TBL1X: variants seen among roughly 807,000 people sequenced by gnomAD.
TBL1X encodes transducin beta like 1 X-linked, also known as F-box-like/WD repeat-containing protein TBL1X.
A neutral mutation model predicts 50.7 loss-of-function variants in TBL1X; 10 were observed. The ratio of observed to expected loss-of-function variants is 0.20; its 90% confidence interval spans 0.12 to 0.33. The LOEUF (loss-of-function observed/expected upper bound fraction) is 0.33, where lower values mean the gene tolerates loss of function less well. Among genes scored for constraint, TBL1X ranks in the 10% least tolerant of loss-of-function variants. TBL1X has a pLI of 1.00. For missense variants in TBL1X, 340 were observed against 504.4 expected (o/e 0.67, Z 3.12); for synonymous variants, 190 against 214.7 (o/e 0.88, Z 1.01).
At chrX:9,493,317 G>C (rs941437834) in intron 1 of TBL1X, among the ~76,000 whole-genome samples, 1 of 111,725 alleles carries the variant, frequency 9.0e-6, no homozygotes, top group Non-Finnish European at 1.9e-5. Context: ...CTTCTTGCAG[G>C]GGACCTGTTC....
At chrX:9,639,168 T>A (rs776092411) in intron 2 of TBL1X, among the ~76,000 whole-genome samples, 1 of 111,244 alleles carries the variant, frequency 9.0e-6, no homozygotes, top group Non-Finnish European at 1.9e-5. Context: ...GGTTTTTTTT[T>A]AATCTCCTTC....
At chrX:9,541,235 A>T (rs993651862) in intron 2 of TBL1X, among the ~76,000 whole-genome samples, 1 of 111,433 alleles carries the variant, frequency 9.0e-6, no homozygotes, top group African/African-American at 3.3e-5. Context: ...AATGTTAGGT[A>T]CGTGATGTGG....
At chrX:9,681,389 A>G (rs1280715169) in intron 5 of TBL1X, among the ~76,000 whole-genome samples, 1 of 112,379 alleles carries the variant, frequency 8.9e-6, no homozygotes, top group African/African-American at 3.2e-5. Context: ...GTCATATCAC[A>G]TGATCCTTGG....
intron 2 of TBL1X, among the ~76,000 whole-genome samples, chrX:9,630,205 A>C (rs1435594864): frequency 4.5e-5 from 5 of 111,601 alleles, no homozygotes; most frequent in Non-Finnish European, 9.4e-5. Flanking sequence ...TTCGCTTATT[A>C]ATTCTCTACC....
At chrX:9,636,120 A>G (rs1270498482) in intron 2 of TBL1X, among the ~76,000 whole-genome samples, 2 of 111,925 alleles carry the variant, frequency 1.8e-5, no homozygotes, top group Non-Finnish European at 3.8e-5. Context: ...GCCAGAAAGC[A>G]TTCTGTGGTC....
intron 2 of TBL1X, among the ~76,000 whole-genome samples, chrX:9,610,983 T>G (rs953294684): frequency 8.9e-6 from 1 of 112,066 alleles, no homozygotes; most frequent in East Asian, 2.8e-4. Context: ...TTCAATAGAC[T>G]GAGCAAATCC....
intron 2 of TBL1X, among the ~76,000 whole-genome samples, chrX:9,595,732 C>T (rs1031597908): frequency 8.9e-6 from 1 of 112,058 alleles, no homozygotes; most frequent in Admixed American, 9.4e-5. Context: ...TTAGGACAAA[C>T]CAGCACCCGA....
chrX:9,699,963 G>A (rs2083159154), intron 12 of TBL1X, among the ~76,000 whole-genome samples: 1 of 112,044 alleles, frequency 8.9e-6, no homozygotes, highest in African/African-American at 3.2e-5. Context: ...CCCAATGCAG[G>A]TAGCACGTGT....
intron 2 of TBL1X, among the ~76,000 whole-genome samples, chrX:9,586,498 A>G (rs2082470532): frequency 8.9e-6 from 1 of 111,742 alleles, no homozygotes; most frequent in African/African-American, 3.3e-5. Flanking sequence ...GGGAGGTGAA[A>G]TGGGGAATTG....
rs113544532 is a variant in TBL1X, at chrX:9,602,958, C to T, written c.-130-37315C>T. ...GGGAGCAGTCGTTGTGAACGAGAAG[C>T]CCCAGTGCATAAATCATTGAATGAT... On this transcript the variant is annotated intron_variant, in intron 2 of 17. Coordinates refer to ENST00000645353, the MANE Select transcript of TBL1X (RefSeq NM_005647.4). Among the ~76,000 whole-genome samples, 912 of 112,325 alleles carry T rather than the reference C, an allele frequency of 8.1e-3. 10 individuals carry two copies. Among genetic ancestry groups the T allele is most frequent in the African/African-American group, 0.027 (851 of 30,959 alleles).
chrX:9,674,067 AAATAAT>A (rs1285160940), intron 5 of TBL1X, among the ~76,000 whole-genome samples: 8 of 112,354 alleles, frequency 7.1e-5, no homozygotes, highest in Admixed American at 3.8e-4. Context: ...TCTTTCTCAG[AAATAAT>A]AATAATAATA....
At chrX:9,600,136 G>C (rs983064222) in intron 2 of TBL1X, among the ~76,000 whole-genome samples, 1 of 111,692 alleles carries the variant, frequency 9.0e-6, no homozygotes, top group Admixed American at 9.5e-5. Flanking sequence ...CTGGCAAGAC[G>C]TCTTAGTCTG....
chrX:9,521,724 C>G (rs2082107769), intron 2 of TBL1X, among the ~76,000 whole-genome samples: 1 of 111,588 alleles, frequency 9.0e-6, no homozygotes, highest in Non-Finnish European at 1.9e-5. Context: ...AATGCAGAAC[C>G]TGCCCATAAG....
At chrX:9,638,309 A>G (rs964507684) in intron 2 of TBL1X, among the ~76,000 whole-genome samples, 3 of 112,433 alleles carry the variant, frequency 2.7e-5, no homozygotes, top group Non-Finnish European at 3.8e-5. Context: ...ATTTCACACA[A>G]ATATTTGGCA....
intron 2 of TBL1X, among the ~76,000 whole-genome samples, chrX:9,591,478 T>G (rs1438858053): frequency 8.9e-6 from 1 of 112,758 alleles, no homozygotes; most frequent in Non-Finnish European, 1.9e-5. Context: ...TATTGTTTAA[T>G]AAATACTTGT....
chrX:9,568,675 C>CTG (rs1222626220), intron 2 of TBL1X, among the ~76,000 whole-genome samples: 5 of 100,546 alleles, frequency 5.0e-5, no homozygotes, highest in African/African-American at 1.9e-4. Flanking sequence ...GTGCAGTGTG[C>CTG]TGTGTGTGTG....
At chrX:9,709,798 A>T (rs1462594165) in intron 15 of TBL1X, 38 bp downstream of exon 15, 1 of 1,196,360 alleles carries the variant, frequency 8.4e-7, no homozygotes, top group Non-Finnish European at 1.1e-6. Context: ...GCTCGGTGTT[A>T]CACAAAGACA....
chrX:9,714,899 C>T lies in TBL1X; in HGVS notation c.1606-3C>T, dbSNP rs1255246178. Reference sequence around the variant, plus strand: ...TGTAAGTGACAGCTGCTTTGCTTTGCAGAGTGGAAATCTTGTCCACAGCTA... The same window carrying T: ...TGTAAGTGACAGCTGCTTTGCTTTGTAGAGTGGAAATCTTGTCCACAGCTA... On this transcript the variant is annotated splice_region_variant and splice_polypyrimidine_tract_variant and intron_variant, in intron 16 of 17. Coordinates refer to ENST00000645353, the MANE Select transcript of TBL1X (RefSeq NM_005647.4). The T allele has an allele frequency of 8.3e-7, 1 of 1,208,713 alleles. No individual in the cohort carries two copies. The highest frequency in any genetic ancestry group is 1.1e-6 in the Non-Finnish European group (1 of 894,068).
intron 11 of TBL1X, among the ~76,000 whole-genome samples, chrX:9,695,212 AAG>A (rs1189026226): frequency 9.0e-6 from 1 of 111,376 alleles, no homozygotes; most frequent in Non-Finnish European, 1.9e-5. Context: ...GAGCAGTTGC[AAG>A]AGAGACCAGA....
Sources: gnomAD v4.1 joint callset for allele counts (sites outside exome capture counted in the v4.1 genomes callset) on GRCh38, gnomAD v4.1.1 for gene constraint, MANE v1.5 for transcripts, NCBI Gene and HGNC (gene_info 2026-07-23, HGNC 2026-07-21) for gene names.